The following CDH13 variants were observed in gnomAD, a reference collection of about 807,000 sequenced individuals.
The protein encoded by CDH13 is cadherin 13.
In CDH13, 24 loss-of-function variants were observed where a neutral mutation model predicts 63.8. The observed-to-expected ratio is 0.38, with a 90% CI of 0.27 to 0.53. The LOEUF is 0.53. Among genes scored for constraint, CDH13 ranks in the 20% least tolerant of loss-of-function variants. The probability of loss-of-function intolerance (pLI) is 0.85; values close to 1 mark genes in which losing one functional copy is unlikely to be tolerated. For synonymous variants in CDH13, 503 were observed against 355.3 expected (o/e 1.42, Z -4.67); for missense variants, 1,049 against 903.1 (o/e 1.16, Z -2.07).
At chr16:83,483,200 T>C (rs1295856474) in intron 6 of CDH13, among the ~76,000 whole-genome samples, 1 of 151,946 alleles carries the variant, frequency 6.6e-6, no homozygotes, top group East Asian at 1.9e-4. Flanking sequence ...TTTACATAAC[T>C]CAGGCACAAT....
intron 2 of CDH13, chr16:82,884,448 G>A: frequency 3.4e-6 from 1 of 293,310 alleles, no homozygotes; most frequent in Non-Finnish European, 6.8e-6. Flanking sequence ...GTTAACAGCA[G>A]CAACCCAGTG....
At chr16:82,631,129 T>C (rs932446574) in intron 1 of CDH13, among the ~76,000 whole-genome samples, 1 of 152,196 alleles carries the variant, frequency 6.6e-6, no homozygotes, top group Non-Finnish European at 1.5e-5. Flanking sequence ...TCTTCTTGCT[T>C]TCTTTCTTTT....
chr16:83,362,297 T>G (rs933413217), intron 6 of CDH13, among the ~76,000 whole-genome samples: 1 of 152,222 alleles, frequency 6.6e-6, no homozygotes, highest in Admixed American at 6.5e-5. Flanking sequence ...TACATTTCTA[T>G]TATGGCAATG....
intron 7 of CDH13, among the ~76,000 whole-genome samples, chr16:83,593,506 C>G (rs1010929572): frequency 6.6e-6 from 1 of 151,948 alleles, no homozygotes; most frequent in African/African-American, 2.4e-5. Context: ...CAGTACAAAT[C>G]AGGAGAATCT....
intron 2 of CDH13, among the ~76,000 whole-genome samples, chr16:82,903,594 T>C (rs2041542818): frequency 6.6e-6 from 1 of 152,224 alleles, no homozygotes; most frequent in Admixed American, 6.5e-5. Flanking sequence ...TTCTGGTGTT[T>C]TAGTCGTGAG....
At chr16:83,214,439 G>T (rs1411447702) in intron 4 of CDH13, among the ~76,000 whole-genome samples, 1 of 151,698 alleles carries the variant, frequency 6.6e-6, no homozygotes, top group Non-Finnish European at 1.5e-5. Context: ...AATTAGCCAG[G>T]CATGGTGGCG....
chr16:83,399,026 A>G (rs2151439772), intron 6 of CDH13, among the ~76,000 whole-genome samples: 1 of 152,358 alleles, frequency 6.6e-6, no homozygotes, highest in East Asian at 1.9e-4. Flanking sequence ...GCTAACACTC[A>G]AAGCCATAGA....
intron 10 of CDH13, among the ~76,000 whole-genome samples, chr16:83,696,110 C>G (rs572314968): frequency 5.9e-5 from 9 of 152,216 alleles, no homozygotes; most frequent in Admixed American, 4.6e-4. Context: ...AGGTGGTTCT[C>G]AAACTCCTGG....
intron 8 of CDH13, among the ~76,000 whole-genome samples, chr16:83,632,650 G>T (rs1910889553): frequency 6.6e-6 from 1 of 150,376 alleles, no homozygotes; most frequent in Admixed American, 6.7e-5. Flanking sequence ...CAATAGATAG[G>T]TTACTGGAAA....
chr16:83,505,050 G>T (rs1306484775), intron 7 of CDH13, among the ~76,000 whole-genome samples: 1 of 152,150 alleles, frequency 6.6e-6, no homozygotes, highest in Non-Finnish European at 1.5e-5. Context: ...TCAGCCAGCT[G>T]TGGCACCACC....
At chr16:82,786,450 TTTTTTC>T (rs1241557673) in intron 1 of CDH13, among the ~76,000 whole-genome samples, 1 of 151,176 alleles carries the variant, frequency 6.6e-6, no homozygotes, top group African/African-American at 2.4e-5. Flanking sequence ...TTTTTTTTTT[TTTTTTC>T]CATAGTCTCA....
chr16:82,729,839 G>T (rs1009224180), intron 1 of CDH13, among the ~76,000 whole-genome samples: 1 of 152,200 alleles, frequency 6.6e-6, no homozygotes, highest in African/African-American at 2.4e-5. Flanking sequence ...CTTTGTCGAT[G>T]ATCTTAGCTA....
intron 6 of CDH13, among the ~76,000 whole-genome samples, chr16:83,350,387 C>T (rs1027764091): frequency 6.6e-6 from 1 of 152,192 alleles, no homozygotes; most frequent in African/African-American, 2.4e-5. Flanking sequence ...GTGGCATTTA[C>T]CTAAAGGTGC....
At chr16:82,751,562 A>T (rs1005791101) in intron 1 of CDH13, among the ~76,000 whole-genome samples, 2 of 152,194 alleles carry the variant, frequency 1.3e-5, no homozygotes, top group African/African-American at 4.8e-5. Context: ...TGTAACCCAC[A>T]TGCAGAATTA....
intron 1 of CDH13, chr16:82,823,653 A>T (rs1205891548): frequency 1.3e-5 from 2 of 152,204 alleles, no homozygotes; most frequent in African/African-American, 4.8e-5. Flanking sequence ...AAGTATTTTC[A>T]ATAATACTGC....
intron 8 of CDH13, among the ~76,000 whole-genome samples, chr16:83,619,904 G>T (rs534468853): frequency 6.6e-6 from 1 of 152,164 alleles, no homozygotes; most frequent in African/African-American, 2.4e-5. Context: ...GGAAGCGTCC[G>T]TGGGAAGACC....
chr16:83,372,401 C>T (rs2091383976), intron 6 of CDH13, among the ~76,000 whole-genome samples: 2 of 152,054 alleles, frequency 1.3e-5, no homozygotes, highest in Admixed American at 1.3e-4. Flanking sequence ...CCCATTCTTC[C>T]CCAAATTCAG....
Position 83,032,118 on chromosome 16 carries a change from C to T in CDH13, c.266C>T (p.Ala89Val), listed in dbSNP as rs893119452. ...GGLVALRNIT[A>V]VGKTLFVHAR... ...TTAGTTGCTCTGAGAAACATAACTGCAGTGGGCAAAACTCTGTTCGTCCAT... is the reference window on the plus strand; with the variant it reads ...TTAGTTGCTCTGAGAAACATAACTGTAGTGGGCAAAACTCTGTTCGTCCAT... Residue 89 changes from alanine to valine, a missense_variant, in exon 3 of 14, where the codon GCA (alanine) becomes GTA (valine). Physicochemically the swap from Ala to Val is moderately conservative, Grantham distance 64. Transcript: ENST00000567109. The T allele has an allele frequency of 9.3e-6, 15 of 1,613,366 alleles. No individual in the cohort carries two copies. The highest frequency in any genetic ancestry group is 1.2e-5 in the Non-Finnish European group (14 of 1,179,744).
At chr16:83,263,469 C>T (rs1907222484) in intron 5 of CDH13, among the ~76,000 whole-genome samples, 1 of 152,166 alleles carries the variant, frequency 6.6e-6, no homozygotes, top group South Asian at 2.1e-4. Context: ...AACCACATCA[C>T]AGAATGGAAC....
Sources: gnomAD v4.1 joint callset for allele counts (sites outside exome capture counted in the v4.1 genomes callset) on GRCh38, gnomAD v4.1.1 for gene constraint, MANE v1.5 for transcripts, NCBI Gene and HGNC (gene_info 2026-07-23, HGNC 2026-07-21) for gene names.